The following PSMD1 variants were observed in gnomAD, a reference collection of about 807,000 sequenced individuals.
The protein encoded by PSMD1 is proteasome 26S subunit, non-ATPase 1, also known as 26S proteasome non-ATPase regulatory subunit 1.
PSMD1 carries 18 observed loss-of-function variants against 119.0 expected under a neutral mutation model. The observed-to-expected ratio is 0.15, with a 90% CI of 0.10 to 0.22. The LOEUF is 0.22. Ranked by LOEUF, PSMD1 falls within the 10% of genes least tolerant of loss-of-function variation. The pLI, the probability that PSMD1 is intolerant of heterozygous loss-of-function variation, is 1.00. For synonymous variants in PSMD1, 374 were observed against 396.6 expected (o/e 0.94, Z 0.68); for missense variants, 702 against 1,158.5 (o/e 0.61, Z 5.72).
chr2:231,160,660 T>C (rs1230552680), intron 19 of PSMD1, among the ~76,000 whole-genome samples: 1 of 152,208 alleles, frequency 6.6e-6, no homozygotes, highest in Non-Finnish European at 1.5e-5. Flanking sequence ...TATTAACACA[T>C]GAAAAGCCAA....
chr2:231,084,288 GT>G (rs1694381487), intron 14 of PSMD1, among the ~76,000 whole-genome samples: 1 of 152,022 alleles, frequency 6.6e-6, no homozygotes, highest in Non-Finnish European at 1.5e-5. Context: ...GGAGACAGAG[GT>G]TATAGTGAGC....
chr2:231,169,586 TA>T (rs1696867029), intron 23 of PSMD1, among the ~76,000 whole-genome samples: 1 of 152,132 alleles, frequency 6.6e-6, no homozygotes, highest in African/African-American at 2.4e-5. Flanking sequence ...TTCTGATGAG[TA>T]AAAATTGGAT....
At chr2:231,153,399 G>A (rs1696412826) in intron 18 of PSMD1, 165 bp from the exon 19 acceptor site, 2 of 573,298 alleles carry the variant, frequency 3.5e-6, no homozygotes, top group African/African-American at 1.9e-5. Flanking sequence ...ACCCGTGATT[G>A]CAACCACGGA....
chr2:231,146,117 A>T, intron 17 of PSMD1, 123 bp from the exon 18 acceptor site: 1 of 640,478 alleles, frequency 1.6e-6, no homozygotes, highest in African/African-American at 1.8e-5. Flanking sequence ...TTATAATGGG[A>T]CTACCATCAT....
At chr2:231,113,025 C>T (rs1313146000) in intron 16 of PSMD1, among the ~76,000 whole-genome samples, 1 of 151,894 alleles carries the variant, frequency 6.6e-6, no homozygotes, top group Non-Finnish European at 1.5e-5. Context: ...ATTAGCCAGG[C>T]ATGGGGGGTG....
intron 16 of PSMD1, among the ~76,000 whole-genome samples, chr2:231,087,488 G>A (rs570274601): frequency 6.6e-6 from 1 of 152,138 alleles, no homozygotes; most frequent in Non-Finnish European, 1.5e-5. Flanking sequence ...TCCTCTTCTT[G>A]TATATTGGTA....
At chr2:231,094,202 C>G (rs141786589) in intron 16 of PSMD1, among the ~76,000 whole-genome samples, 1 of 152,162 alleles carries the variant, frequency 6.6e-6, no homozygotes, top group East Asian at 1.9e-4. Context: ...AGCTGGCAAT[C>G]TGGGCATTGC....
chr2:231,145,272 C>T (rs1251681082), intron 17 of PSMD1, among the ~76,000 whole-genome samples: 2 of 152,176 alleles, frequency 1.3e-5, no homozygotes, highest in South Asian at 2.1e-4. Context: ...TTCCAGAATA[C>T]ATACCTGTAC....
chr2:231,096,498 G>A (rs1694729601), intron 16 of PSMD1, among the ~76,000 whole-genome samples: 1 of 152,138 alleles, frequency 6.6e-6, no homozygotes, highest in Non-Finnish European at 1.5e-5. Context: ...TGTTGTTTAA[G>A]ATTTCTCCCA....
At chr2:231,123,615 C>G (rs1207177027) in intron 16 of PSMD1, 2 of 1,614,026 alleles carry the variant, frequency 1.2e-6, no homozygotes, top group African/African-American at 2.7e-5. Context: ...GTTTATTTCC[C>G]TGTTCCTCAA....
intron 15 of PSMD1, among the ~76,000 whole-genome samples, chr2:231,086,791 A>G (rs1307391930): frequency 6.6e-6 from 1 of 151,990 alleles, no homozygotes; most frequent in African/African-American, 2.4e-5. Flanking sequence ...TCAAAAATAC[A>G]TGTGGCCAGG....
At chr2:231,112,166 A>G (rs1417408089) in intron 16 of PSMD1, among the ~76,000 whole-genome samples, 2 of 151,954 alleles carry the variant, frequency 1.3e-5, no homozygotes, top group Admixed American at 6.6e-5. Context: ...CACATACCTC[A>G]CACTCTCCCT....
At chr2:231,113,707 C>A in intron 16 of PSMD1, 1 of 1,601,764 alleles carries the variant, frequency 6.2e-7, no homozygotes, top group Non-Finnish European at 8.6e-7. Context: ...ATACCACCCA[C>A]ACTCTGGCAT....
chr2:231,108,400 G>C (rs1253675625), intron 16 of PSMD1: 1 of 753,460 alleles, frequency 1.3e-6, no homozygotes, highest in African/African-American at 1.8e-5. Context: ...TACATCTTAG[G>C]TTAAAGAGAT....
intron 16 of PSMD1, among the ~76,000 whole-genome samples, chr2:231,132,165 C>T (rs1695870133): frequency 6.6e-6 from 1 of 152,160 alleles, no homozygotes; most frequent in Non-Finnish European, 1.5e-5. Context: ...TAACTTCTAT[C>T]CCCTTTCAGA....
At chr2:231,162,694 G>A (rs1696668978) in intron 20 of PSMD1, among the ~76,000 whole-genome samples, 1 of 152,066 alleles carries the variant, frequency 6.6e-6, no homozygotes, top group South Asian at 2.1e-4. Flanking sequence ...GGGTGTGGTT[G>A]TGCACATCTG....
intron 4 of PSMD1, among the ~76,000 whole-genome samples, chr2:231,065,739 G>A (rs754654938): frequency 1.1e-4 from 17 of 152,150 alleles, no homozygotes; most frequent in Non-Finnish European, 2.4e-4. Flanking sequence ...GTGTGCTATT[G>A]ATATCCTTCA....
At chr2:231,137,894 CTT>C (rs1420822411) in intron 16 of PSMD1, among the ~76,000 whole-genome samples, 3 of 152,130 alleles carry the variant, frequency 2.0e-5, no homozygotes, top group Admixed American at 6.5e-5. Flanking sequence ...GCAAAAAAAT[CTT>C]TTTATTGAAG....
intron 16 of PSMD1, among the ~76,000 whole-genome samples, chr2:231,122,951 G>T (rs1312515838): frequency 6.6e-6 from 1 of 152,134 alleles, no homozygotes; most frequent in African/African-American, 2.4e-5. Flanking sequence ...TTTTTGGACA[G>T]TTCCAATTTT....
Sources: allele counts gnomAD v4.1 joint callset (sites outside exome capture counted in the v4.1 genomes callset), GRCh38; gene constraint gnomAD v4.1.1; transcripts MANE v1.5; gene names NCBI Gene and HGNC (gene_info 2026-07-23, HGNC 2026-07-21).